RIMS2: variants seen among roughly 807,000 people sequenced by gnomAD.
RIMS2 encodes the protein regulating synaptic membrane exocytosis protein 2.
In RIMS2, 59 loss-of-function variants were observed where a neutral mutation model predicts 174.4. That is an observed-to-expected ratio of 0.34 (90% CI 0.27 to 0.42). The LOEUF (loss-of-function observed/expected upper bound fraction) is 0.42. Ranked by LOEUF, RIMS2 falls within the 10% of genes least tolerant of loss-of-function variation. The probability of loss-of-function intolerance (pLI) is 1.00; values close to 1 mark genes in which losing one functional copy is unlikely to be tolerated. For missense variants in RIMS2, 1,620 were observed against 1,666.3 expected (o/e 0.97, Z 0.48); for synonymous variants, 606 against 572.5 (o/e 1.06, Z -0.84).
chr8:103,549,138 C>T (rs367981673), intron 1 of RIMS2, among the ~76,000 whole-genome samples: 88 of 152,020 alleles, frequency 5.8e-4, no homozygotes, highest in Non-Finnish European at 1.0e-3. Flanking sequence ...AGATACTCCT[C>T]GAGAAGAGCA....
intron 3 of RIMS2, among the ~76,000 whole-genome samples, chr8:103,858,857 A>G (rs1200697705): frequency 6.6e-6 from 1 of 152,032 alleles, no homozygotes; most frequent in East Asian, 1.9e-4. Flanking sequence ...TCTGAGCCAT[A>G]CATTTTACAA....
At chr8:103,594,686 C>T (rs903951850) in intron 1 of RIMS2, among the ~76,000 whole-genome samples, 4 of 151,712 alleles carry the variant, frequency 2.6e-5, no homozygotes, top group Non-Finnish European at 5.9e-5. Context: ...GATGGCATAT[C>T]CATAGATACT....
intron 1 of RIMS2, among the ~76,000 whole-genome samples, chr8:103,598,626 C>T (rs550743564): frequency 1.8e-4 from 28 of 152,166 alleles, no homozygotes; most frequent in Non-Finnish European, 2.5e-4. Flanking sequence ...TCTGTCCTGG[C>T]GAAGGACATT....
intron 1 of RIMS2, among the ~76,000 whole-genome samples, chr8:103,538,356 T>C (rs1840822752): frequency 6.6e-6 from 1 of 152,196 alleles, no homozygotes; most frequent in African/African-American, 2.4e-5. Flanking sequence ...CCGTAAGTTA[T>C]TGGGATACAG....
intron 19 of RIMS2, among the ~76,000 whole-genome samples, chr8:104,072,306 C>T (rs1473442200): frequency 2.0e-5 from 3 of 151,974 alleles, no homozygotes; most frequent in South Asian, 4.2e-4. Flanking sequence ...TTGATGAGGG[C>T]TATTTAGCTT....
At chr8:104,181,636 AT>A (rs769615183) in intron 19 of RIMS2, among the ~76,000 whole-genome samples, 2 of 151,686 alleles carry the variant, frequency 1.3e-5, no homozygotes, top group Non-Finnish European at 3.0e-5. Flanking sequence ...CTTAAAAGTA[AT>A]TTTATTTTAG....
intron 15 of RIMS2, among the ~76,000 whole-genome samples, chr8:103,973,172 T>C (rs1446111904): frequency 6.6e-6 from 1 of 152,234 alleles, no homozygotes; most frequent in African/African-American, 2.4e-5. Context: ...CAGAGCAGAA[T>C]GTACTATTGG....
intron 19 of RIMS2, among the ~76,000 whole-genome samples, chr8:104,171,782 G>T (rs971215915): frequency 1.3e-5 from 2 of 151,982 alleles, no homozygotes; most frequent in Admixed American, 6.6e-5. Context: ...TCTTGAAATT[G>T]TTCTTGAATT....
intron 1 of RIMS2, among the ~76,000 whole-genome samples, chr8:103,511,490 G>A (rs1310272489): frequency 1.3e-5 from 2 of 152,142 alleles, no homozygotes; most frequent in Admixed American, 1.3e-4. Flanking sequence ...CTCTACATAA[G>A]TGTGCCTTCA....
In RIMS2 at chr8:103,793,741, G is replaced by A. The variant is rs200537098; in HGVS notation, c.698+27204G>A. On this transcript the variant is annotated intron_variant, in intron 3 of 23. Coordinates refer to ENST00000504942, the Ensembl canonical transcript of RIMS2. ...TAAGCAACTTCAGCAAAGTCTCAGG[G>A]TACAAAATCAATGTGCAAAAATCAC... Among the ~76,000 whole-genome samples, 7 of 151,878 alleles carry A rather than the reference G, an allele frequency of 4.6e-5. No individual in the cohort carries two copies. The East Asian group carries it at 5.8e-4, about 13-fold the overall frequency.
At chr8:104,106,169 G>A (rs1360184949) in intron 19 of RIMS2, among the ~76,000 whole-genome samples, 1 of 151,328 alleles carries the variant, frequency 6.6e-6, no homozygotes, top group Non-Finnish European at 1.5e-5. Flanking sequence ...CCTGGCCACA[G>A]ACAGTCCTCT....
At chr8:103,549,154 A>C (rs1008408849) in intron 1 of RIMS2, among the ~76,000 whole-genome samples, 6 of 152,088 alleles carry the variant, frequency 3.9e-5, no homozygotes, top group Non-Finnish European at 1.5e-5. Flanking sequence ...GAGCAACTCC[A>C]AGACACATAA....
chr8:103,602,954 A>G (rs960321179), intron 1 of RIMS2, among the ~76,000 whole-genome samples: 8 of 152,116 alleles, frequency 5.3e-5, no homozygotes, highest in African/African-American at 1.4e-4. Flanking sequence ...TTTTCTTAGC[A>G]GCCTTGCTAG....
chr8:104,208,971 C>T (rs2511551), intron 19 of RIMS2, among the ~76,000 whole-genome samples: 91,231 of 152,034 alleles, frequency 0.6, 27,515 homozygotes, highest in East Asian at 0.65. Flanking sequence ...TAAAATACTT[C>T]CTTAGAAACA....
intron 12 of RIMS2, among the ~76,000 whole-genome samples, chr8:103,935,413 A>G (rs2081017787): frequency 6.6e-6 from 1 of 152,218 alleles, no homozygotes; most frequent in Admixed American, 6.5e-5. Context: ...CTGGAAACAT[A>G]TAATACCTCT....
At chr8:103,775,987 C>T (rs1179261917) in intron 3 of RIMS2, among the ~76,000 whole-genome samples, 1 of 152,144 alleles carries the variant, frequency 6.6e-6, no homozygotes, top group African/African-American at 2.4e-5. Context: ...TTGCCTAGGA[C>T]AGTCCCAGTT....
chr8:103,617,605 G>A (rs530641660), intron 1 of RIMS2, among the ~76,000 whole-genome samples: 3 of 152,052 alleles, frequency 2.0e-5, no homozygotes, highest in Non-Finnish European at 4.4e-5. Context: ...TTTGCAGAGT[G>A]TGCATCTGAC....
chr8:104,076,533 A>C (rs2097295897), intron 19 of RIMS2, among the ~76,000 whole-genome samples: 2 of 152,142 alleles, frequency 1.3e-5, no homozygotes, highest in Admixed American at 1.3e-4. Flanking sequence ...TAACTATAGC[A>C]GACACAGATT....
intron 1 of RIMS2, among the ~76,000 whole-genome samples, chr8:103,662,183 T>G (rs2096609589): frequency 6.6e-6 from 1 of 152,232 alleles, no homozygotes; most frequent in Non-Finnish European, 1.5e-5. Flanking sequence ...CTGGGCCTCA[T>G]GTGGCCCATG....
Sources: gnomAD v4.1 joint callset for allele counts (sites outside exome capture counted in the v4.1 genomes callset) on GRCh38, gnomAD v4.1.1 for gene constraint, MANE v1.5 for transcripts, NCBI Gene and HGNC (gene_info 2026-07-23, HGNC 2026-07-21) for gene names.